Variants in TNNI3K observed in about 807,000 individuals in gnomAD.
The protein encoded by TNNI3K is TNNI3 interacting kinase.
Under a neutral mutation model 114.5 loss-of-function variants are expected in TNNI3K, and 140 were observed. The ratio of observed to expected loss-of-function variants is 1.22; its 90% CI spans 1.07 to 1.41. The LOEUF (loss-of-function observed/expected upper bound fraction) is 1.41. Ranked by LOEUF, TNNI3K falls within the 40% of genes most tolerant of loss-of-function variation. TNNI3K has a pLI of 0.00. For synonymous variants in TNNI3K, 347 were observed against 347.5 expected (o/e 1.00, Z 0.02); for missense variants, 1,125 against 1,007.6 (o/e 1.12, Z -1.58).
intron 11 of TNNI3K, among the ~76,000 whole-genome samples, chr1:74,354,678 C>G (rs946271117): frequency 6.6e-6 from 1 of 152,132 alleles, no homozygotes; most frequent in Non-Finnish European, 1.5e-5. Flanking sequence ...GGGTTTAAAT[C>G]AAGCCATATT....
At chr1:74,524,889 C>T (rs1000936297) in intron 23 of TNNI3K, among the ~76,000 whole-genome samples, 1 of 152,112 alleles carries the variant, frequency 6.6e-6, no homozygotes, top group South Asian at 2.1e-4. Flanking sequence ...GAGGTAACAT[C>T]ATTAGGATTG....
intron 20 of TNNI3K, among the ~76,000 whole-genome samples, chr1:74,442,889 T>C (rs1307617453): frequency 6.6e-6 from 1 of 152,026 alleles, no homozygotes; most frequent in Admixed American, 6.6e-5. Flanking sequence ...ACATGAAAAT[T>C]CAAAACCTGC....
At chr1:74,396,950 G>A (rs1259224450) in intron 17 of TNNI3K, among the ~76,000 whole-genome samples, 1 of 152,200 alleles carries the variant, frequency 6.6e-6, no homozygotes, top group Non-Finnish European at 1.5e-5. Flanking sequence ...TGGATGGAAT[G>A]AGAAAACGAT....
chr1:74,416,569 T>C (rs1665124337), intron 17 of TNNI3K: 2 of 985,246 alleles, frequency 2.0e-6, no homozygotes, highest in South Asian at 4.7e-5. Flanking sequence ...ATTCCCCTGA[T>C]AAAAAGCAAC....
chr1:74,408,166 T>G (rs1220028171), intron 17 of TNNI3K, among the ~76,000 whole-genome samples: 1 of 152,146 alleles, frequency 6.6e-6, no homozygotes, highest in Non-Finnish European at 1.5e-5. Context: ...CATAAAACAA[T>G]CTACCTTGTT....
At chr1:74,497,607 C>A (rs1160059117) in intron 23 of TNNI3K, among the ~76,000 whole-genome samples, 2 of 151,658 alleles carry the variant, frequency 1.3e-5, no homozygotes, top group Admixed American at 6.6e-5. Flanking sequence ...CACACATCTA[C>A]ACACACATAC....
intron 5 of TNNI3K, among the ~76,000 whole-genome samples, chr1:74,282,916 G>C (rs1240158123): frequency 1.3e-5 from 2 of 151,998 alleles, no homozygotes; most frequent in Admixed American, 1.3e-4. Flanking sequence ...GGAAAACATC[G>C]CAAGGGCCAA....
chr1:74,476,218 T>G (rs1032200833), intron 21 of TNNI3K, among the ~76,000 whole-genome samples: 1 of 152,146 alleles, frequency 6.6e-6, no homozygotes, highest in Non-Finnish European at 1.5e-5. Flanking sequence ...TCATGTTCTA[T>G]GTAGTTTGTC....
At chr1:74,445,671 C>G (rs1165904675) in intron 20 of TNNI3K, among the ~76,000 whole-genome samples, 2 of 140,024 alleles carry the variant, frequency 1.4e-5, no homozygotes, top group Admixed American at 7.4e-5. Flanking sequence ...AGTGCAGTGG[C>G]GGGATCTCGG....
chr1:74,342,708 C>G (rs757330556), intron 7 of TNNI3K, 134 bp from the exon 8 acceptor site: 69 of 1,196,710 alleles, frequency 5.8e-5, no homozygotes, highest in Non-Finnish European at 7.7e-5. Flanking sequence ...CCTTAATTTC[C>G]TTTATGATTA....
At chr1:74,339,204 A>T (rs573498398) in intron 7 of TNNI3K, among the ~76,000 whole-genome samples, 3 of 152,286 alleles carry the variant, frequency 2.0e-5, no homozygotes, top group Admixed American at 2.0e-4. Flanking sequence ...GCATCATATG[A>T]TACAATTTTT....
chr1:74,472,578 A>C (rs1300588379), intron 21 of TNNI3K, among the ~76,000 whole-genome samples: 1 of 152,082 alleles, frequency 6.6e-6, no homozygotes, highest in African/African-American at 2.4e-5. Flanking sequence ...TTGCAACTTA[A>C]ATATTGGGCA....
intron 23 of TNNI3K, among the ~76,000 whole-genome samples, chr1:74,516,179 C>A (rs982036243): frequency 2.6e-5 from 4 of 152,024 alleles, no homozygotes; most frequent in African/African-American, 7.3e-5. Flanking sequence ...AAAATATGGT[C>A]ATTTATTTCT....
intron 9 of TNNI3K, among the ~76,000 whole-genome samples, chr1:74,343,460 A>G (rs565933202): frequency 2.6e-5 from 4 of 152,328 alleles, no homozygotes; most frequent in African/African-American, 9.6e-5. Flanking sequence ...AGGCATATCA[A>G]CATCTGTAAG....
intron 17 of TNNI3K, among the ~76,000 whole-genome samples, chr1:74,423,115 T>G (rs1156721617): frequency 2.6e-5 from 4 of 152,044 alleles, no homozygotes; most frequent in African/African-American, 9.7e-5. Flanking sequence ...CCTTTCACGC[T>G]TCAGCTTATC....
intron 5 of TNNI3K, among the ~76,000 whole-genome samples, chr1:74,280,884 C>G (rs1199877073): frequency 1.3e-5 from 2 of 152,170 alleles, no homozygotes; most frequent in African/African-American, 4.8e-5. Flanking sequence ...TCTCCCAACT[C>G]TGTGCAGTGC....
At chr1:74,318,956 A>G (rs546648980) in intron 5 of TNNI3K, among the ~76,000 whole-genome samples, 2 of 152,368 alleles carry the variant, frequency 1.3e-5, no homozygotes, top group East Asian at 1.9e-4. Context: ...GAGAGGCACA[A>G]TAGTATATTA....
intron 2 of TNNI3K, among the ~76,000 whole-genome samples, chr1:74,239,040 GA>G (rs1218661265): frequency 6.6e-6 from 1 of 152,094 alleles, no homozygotes; most frequent in Non-Finnish European, 1.5e-5. Flanking sequence ...CTTCTAGAAA[GA>G]TATCCAAATT....
chr1:74,445,741 G>A (rs1666623923), intron 20 of TNNI3K, among the ~76,000 whole-genome samples: 1 of 150,270 alleles, frequency 6.7e-6, no homozygotes, highest in Non-Finnish European at 1.5e-5. Context: ...CTCCCAAGTA[G>A]CTGGGACTAC....
Sources: allele counts gnomAD v4.1 joint callset (sites outside exome capture counted in the v4.1 genomes callset), GRCh38; gene constraint gnomAD v4.1.1; transcripts MANE v1.5; gene names NCBI Gene and HGNC (gene_info 2026-07-23, HGNC 2026-07-21).